The following PMPCB variants were observed in gnomAD, a reference collection of about 807,000 sequenced individuals.
PMPCB encodes peptidase, mitochondrial processing subunit beta, also known as mitochondrial-processing peptidase subunit beta.
In PMPCB, 46 loss-of-function variants were observed where a neutral mutation model predicts 61.5. That is an observed-to-expected ratio of 0.75 (90% CI 0.59 to 0.96). The LOEUF is 0.96. PMPCB is among the 40% of genes least tolerant of loss of function. The probability of loss-of-function intolerance (pLI) is 0.00; values close to 1 mark genes in which losing one functional copy is unlikely to be tolerated. For synonymous variants in PMPCB, 191 were observed against 201.6 expected (o/e 0.95, Z 0.44); for missense variants, 590 against 602.4 (o/e 0.98, Z 0.22).
At chr7:103,341,039 A>C in the PMPCB span, among the ~76,000 whole-genome samples, 2 of 152,190 alleles carry the variant, frequency 1.3e-5, no homozygotes, top group Non-Finnish European at 2.9e-5. Flanking sequence ...GTCTTGTGCC[A>C]CACAGCCAGG....
At chr7:103,318,515 C>T (rs1818198582), downstream of PMPCB, among the ~76,000 whole-genome samples, 1 of 152,172 alleles carries the variant, frequency 6.6e-6, no homozygotes, top group African/African-American at 2.4e-5. Flanking sequence ...CCCTTCCTAT[C>T]CTACACCTCA....
At position 103,298,649 on chromosome 7, in the gene PMPCB, A is replaced by G. The variant is rs1817360807; in HGVS notation, c.181A>G (p.Thr61Ala). Residue 61 changes from threonine (T) to alanine (A), a missense_variant, in exon 2 of 13, where the codon ACA becomes GCA. Coordinates refer to ENST00000249269, the MANE Select transcript of PMPCB (RefSeq NM_004279.3). ...VVLNVPETRV[T>A]CLESGLRVAS... is the part of the protein sequence containing the mutation. The stretch of plus-strand genomic sequence containing the variant: ...TCTGAATGTTCCTGAAACAAGAGTA[A>G]CATGTTTAGAAAGTGGACTCAGAGT... The G allele has an allele frequency of 6.2e-7, 1 of 1,613,928 alleles. No homozygotes were observed.
downstream of PMPCB, chr7:103,316,949 T>C: frequency 6.2e-7 from 1 of 1,614,116 alleles, no homozygotes; most frequent in Non-Finnish European, 8.5e-7. Flanking sequence ...TGTTCTTAGA[T>C]GCTTGTCGCA....
chr7:103,317,085 G>A, downstream of PMPCB: 1 of 1,343,792 alleles, frequency 7.4e-7, no homozygotes, highest in Non-Finnish European at 1.0e-6. Context: ...TTCCTGGCTA[G>A]GGCTTTGTGG....
At chr7:103,328,474 T>C (rs549565761) in intron 12 of PMPCB, among the ~76,000 whole-genome samples, 3 of 151,722 alleles carry the variant, frequency 2.0e-5, no homozygotes, top group Non-Finnish European at 4.4e-5. Context: ...CTACTAAAAA[T>C]ACAAAAACTA....
At chr7:103,345,608 T>G in the PMPCB span, among the ~76,000 whole-genome samples, 7 of 147,448 alleles carry the variant, frequency 4.7e-5, no homozygotes, top group African/African-American at 1.7e-4. Context: ...TTAAATATAT[T>G]ATATATATAT....
the PMPCB span, among the ~76,000 whole-genome samples, chr7:103,334,535 G>A: frequency 4.1e-4 from 61 of 150,012 alleles, no homozygotes; most frequent in Admixed American, 7.3e-4. Context: ...AAGATCACGC[G>A]ACTGCACTCC....
chr7:103,344,940 C>T, the PMPCB span: 2 of 547,226 alleles, frequency 3.7e-6, no homozygotes, highest in Non-Finnish European at 6.5e-6. Context: ...GGATTATATT[C>T]CACGTCCCAG....
chr7:103,317,919 C>T (rs543632634), downstream of PMPCB, among the ~76,000 whole-genome samples: 21 of 151,872 alleles, frequency 1.4e-4, no homozygotes, highest in East Asian at 2.9e-3. Flanking sequence ...CCAAAGTGCT[C>T]GGATTATAGG....
the PMPCB span, chr7:103,344,508 G>A: frequency 1.4e-5 from 23 of 1,603,358 alleles, no homozygotes; most frequent in South Asian, 6.6e-5. Flanking sequence ...GCGGAGGACT[G>A]AGGCAGGGGC....
intron 4 of PMPCB, among the ~76,000 whole-genome samples, chr7:103,302,323 T>C (rs536733782): frequency 9.2e-5 from 14 of 152,344 alleles, no homozygotes; most frequent in Non-Finnish European, 1.5e-4. Context: ...CCTTAATGTA[T>C]GTATACTTGT....
intron 12 of PMPCB, among the ~76,000 whole-genome samples, chr7:103,327,944 G>C (rs967047333): frequency 3.3e-5 from 5 of 152,134 alleles, no homozygotes; most frequent in African/African-American, 9.7e-5. Context: ...TTTTGAGACA[G>C]AGTTTTGCTC....
intron 4 of PMPCB, among the ~76,000 whole-genome samples, chr7:103,303,340 C>T (rs1238537891): frequency 6.6e-6 from 1 of 152,162 alleles, no homozygotes; most frequent in African/African-American, 2.4e-5. Flanking sequence ...TGGTCTGGAA[C>T]TCCTGGGCTG....
At chr7:103,339,605 T>G in the PMPCB span, among the ~76,000 whole-genome samples, 2 of 113,726 alleles carry the variant, frequency 1.8e-5, no homozygotes, top group African/African-American at 5.7e-5. Flanking sequence ...AATCCAATGG[T>G]TTTTTTTTTT....
At chr7:103,316,815 C>G (rs1225926907), downstream of PMPCB, 2 of 1,607,538 alleles carry the variant, frequency 1.2e-6, no homozygotes, top group African/African-American at 2.7e-5. Context: ...AGAAAAGTTT[C>G]ATTAAAACCA....
downstream of PMPCB, among the ~76,000 whole-genome samples, chr7:103,331,279 T>C (rs1364738912): frequency 4.6e-5 from 7 of 152,238 alleles, no homozygotes; most frequent in Admixed American, 3.9e-4. Context: ...TAATTCATGA[T>C]ACATGCATAA....
In PMPCB at chr7:103,310,276, T is replaced by C. The variant is rs138238997; in HGVS notation, c.994-39T>C. ...TTTTTCTTTCTGTATTTTGGACATG[T>C]ATAATTAAAATTCTCTTGGAATTTT... On this transcript the variant is annotated intron_variant, in intron 8 of 12. Coordinates refer to ENST00000249269, the MANE Select transcript of PMPCB (RefSeq NM_004279.3). 1,533 of 1,533,324 alleles carry C rather than the reference T, an allele frequency of 1.0e-3. 17 individuals carry two copies. In the African/African-American group the frequency reaches 0.018, roughly 18 times the overall value. 95.0% of individuals were successfully genotyped at this position (1,533,324 alleles called of 1,614,324 possible).
chr7:103,343,085 C>T, the PMPCB span, among the ~76,000 whole-genome samples: 49 of 151,892 alleles, frequency 3.2e-4, no homozygotes, highest in African/African-American at 1.1e-3. Flanking sequence ...CTGCAACCTC[C>T]GCCTCCCGGG....
At chr7:103,324,598 A>C (rs765244068) in intron 12 of PMPCB, 1 of 1,406,616 alleles carries the variant, frequency 7.1e-7, no homozygotes, top group Non-Finnish European at 9.5e-7. Context: ...ACAATTCTTC[A>C]AAAATTATGT....
Sources: allele counts gnomAD v4.1 joint callset (sites outside exome capture counted in the v4.1 genomes callset), GRCh38; gene constraint gnomAD v4.1.1; transcripts MANE v1.5; gene names NCBI Gene and HGNC (gene_info 2026-07-23, HGNC 2026-07-21).